Variants in GPC5 observed in about 807,000 individuals in gnomAD.
GPC5 encodes the protein glypican 5.
A neutral mutation model predicts 53.9 loss-of-function variants in GPC5; 47 were observed. The observed-to-expected ratio is 0.87, with a 90% CI of 0.69 to 1.11. GPC5 has a LOEUF of 1.11. Ranked by LOEUF, GPC5 falls within the 50% of genes most tolerant of loss-of-function variation. GPC5 has a pLI of 0.00. For synonymous variants in GPC5, 286 were observed against 263.3 expected, an observed-to-expected ratio of 1.09 and a Z score of -0.84; for missense variants, 748 against 713.1, an observed-to-expected ratio of 1.05 and a Z score of -0.56.
At chr13:92,208,459 G>T (rs2042352886) in intron 7 of GPC5, among the ~76,000 whole-genome samples, 1 of 152,158 alleles carries the variant, frequency 6.6e-6, no homozygotes, top group African/African-American at 2.4e-5. Flanking sequence ...TTCAGCAAAG[G>T]TCTTCCAAAT....
At chr13:92,669,011 T>C (rs1044332953) in intron 7 of GPC5, among the ~76,000 whole-genome samples, 3 of 152,128 alleles carry the variant, frequency 2.0e-5, no homozygotes, top group Admixed American at 6.6e-5. Context: ...TGTAAGTTTG[T>C]CTTCATTTTA....
chr13:92,210,465 G>A (rs1414963541), intron 7 of GPC5, among the ~76,000 whole-genome samples: 1 of 152,104 alleles, frequency 6.6e-6, no homozygotes, highest in African/African-American at 2.4e-5. Flanking sequence ...ATTCTTGAAT[G>A]TAAAATTTGA....
At chr13:91,753,669 A>G (rs2037227581) in intron 4 of GPC5, among the ~76,000 whole-genome samples, 2 of 152,298 alleles carry the variant, frequency 1.3e-5, no homozygotes, top group African/African-American at 4.8e-5. Flanking sequence ...AATAAGACTG[A>G]TGATAAAATG....
At chr13:91,921,283 G>A (rs943322938) in intron 6 of GPC5, among the ~76,000 whole-genome samples, 2 of 151,992 alleles carry the variant, frequency 1.3e-5, no homozygotes, top group Non-Finnish European at 2.9e-5. Flanking sequence ...CTGACAAAAG[G>A]AGTAACTAAG....
At chr13:92,860,425 A>G (rs1879145460) in intron 7 of GPC5, among the ~76,000 whole-genome samples, 1 of 152,140 alleles carries the variant, frequency 6.6e-6, no homozygotes, top group African/African-American at 2.4e-5. Context: ...ACAACTCATC[A>G]TTTTAAAAAG....
rs559104207 is a variant in GPC5, at chr13:91,496,255, G to A, written c.325+47333G>A. 3.3e-5 allele frequency among the ~76,000 whole-genome samples: 5 copies of A among 152,220 alleles called. No homozygotes were observed. In the South Asian group the frequency reaches 1.0e-3, roughly 32 times the overall value. Reference sequence around the variant, plus strand: ...TGGCATGTTATTGACTTGAAATTGGGTCTTCTGATTCCCATGGCTAGGTAT... The same window carrying A: ...TGGCATGTTATTGACTTGAAATTGGATCTTCTGATTCCCATGGCTAGGTAT... On this transcript the variant is annotated intron_variant, in intron 2 of 7. Coordinates refer to ENST00000377067, the MANE Select transcript of GPC5 (RefSeq NM_004466.6).
At chr13:92,774,160 C>A (rs899931710) in intron 7 of GPC5, among the ~76,000 whole-genome samples, 1 of 152,186 alleles carries the variant, frequency 6.6e-6, no homozygotes, top group African/African-American at 2.4e-5. Context: ...TCAAGAAGAA[C>A]ATATTTCACA....
chr13:91,592,866 A>G (rs966250111), intron 2 of GPC5, among the ~76,000 whole-genome samples: 1 of 152,304 alleles, frequency 6.6e-6, no homozygotes, highest in South Asian at 2.1e-4. Flanking sequence ...AAGGGGCCTG[A>G]AGAATAGCTG....
intron 3 of GPC5, among the ~76,000 whole-genome samples, chr13:91,715,800 C>CTGTG (rs1555340542): frequency 6.9e-5 from 10 of 145,850 alleles, no homozygotes; most frequent in African/African-American, 2.6e-4. Context: ...CTCTCTCTCT[C>CTGTG]TGTGTGTGTG....
chr13:91,825,466 T>C (rs2038562599), intron 5 of GPC5, among the ~76,000 whole-genome samples: 1 of 152,088 alleles, frequency 6.6e-6, no homozygotes, highest in Non-Finnish European at 1.5e-5. Context: ...AATATTTGAA[T>C]CATAATGCCT....
Position 91,953,695 on chromosome 13 carries a change from A to T in GPC5, c.1401+45638A>T, listed in dbSNP as rs986318523. ...TGGAGGCTAGGGAGGTCCAAGATCAATGTGCTGACAGATACTAAATCTGGA... is the reference window on the plus strand; with the variant it reads ...TGGAGGCTAGGGAGGTCCAAGATCATTGTGCTGACAGATACTAAATCTGGA... On this transcript the variant is annotated intron_variant, in intron 6 of 7. Coordinates refer to ENST00000377067, the MANE Select transcript of GPC5 (RefSeq NM_004466.6). 5.3e-5 allele frequency among the ~76,000 whole-genome samples: 8 copies of T among 152,196 alleles called. No homozygotes were observed. In the East Asian group the frequency reaches 5.8e-4, roughly 11 times the overall value.
At chr13:91,742,211 G>A (rs530859403) in intron 4 of GPC5, among the ~76,000 whole-genome samples, 1 of 152,182 alleles carries the variant, frequency 6.6e-6, no homozygotes, top group African/African-American at 2.4e-5. Flanking sequence ...AGGCGCACAG[G>A]AAAAGCAAAT....
chr13:92,294,124 G>T (rs533820821), intron 7 of GPC5, among the ~76,000 whole-genome samples: 1 of 152,252 alleles, frequency 6.6e-6, no homozygotes, highest in African/African-American at 2.4e-5. Context: ...TAGCATCTGT[G>T]TTCATCAGGG....
chr13:91,500,454 G>T (rs945603305), intron 2 of GPC5, among the ~76,000 whole-genome samples: 1 of 152,138 alleles, frequency 6.6e-6, no homozygotes. Context: ...TATTAGGGAG[G>T]ATTCCCATGC....
At chr13:91,575,517 C>T (rs2032098939) in intron 2 of GPC5, among the ~76,000 whole-genome samples, 1 of 152,022 alleles carries the variant, frequency 6.6e-6, no homozygotes, top group Non-Finnish European at 1.5e-5. Flanking sequence ...AAAGTATTAC[C>T]CTTTAGCTAG....
chr13:92,070,968 T>C (rs1445227849), intron 6 of GPC5, among the ~76,000 whole-genome samples: 1 of 152,218 alleles, frequency 6.6e-6, no homozygotes, highest in Non-Finnish European at 1.5e-5. Context: ...CCAGGAGTGG[T>C]GGCTCACGCC....
At chr13:91,658,849 C>T (rs2034914245) in intron 2 of GPC5, among the ~76,000 whole-genome samples, 1 of 152,142 alleles carries the variant, frequency 6.6e-6, no homozygotes, top group Admixed American at 6.5e-5. Flanking sequence ...CTTGCTGATT[C>T]CTGCCTTCTG....
intron 7 of GPC5, among the ~76,000 whole-genome samples, chr13:92,527,488 G>T (rs1881407511): frequency 1.3e-5 from 2 of 152,042 alleles, no homozygotes; most frequent in South Asian, 2.1e-4. Flanking sequence ...TGTGGCTGTT[G>T]CATTTGGAAA....
At chr13:92,762,160 A>G (rs1192425482) in intron 7 of GPC5, among the ~76,000 whole-genome samples, 1 of 152,156 alleles carries the variant, frequency 6.6e-6, no homozygotes, top group Non-Finnish European at 1.5e-5. Flanking sequence ...ATGCTCTATC[A>G]TATATATCTC....
Sources: gnomAD v4.1 joint callset for allele counts (sites outside exome capture counted in the v4.1 genomes callset) on GRCh38, gnomAD v4.1.1 for gene constraint, MANE v1.5 for transcripts, NCBI Gene and HGNC (gene_info 2026-07-23, HGNC 2026-07-21) for gene names.